The following EYA2 variants were observed in gnomAD, a reference collection of about 807,000 sequenced individuals.
EYA2 encodes protein phosphatase EYA2.
A neutral mutation model predicts 69.2 loss-of-function variants in EYA2; 31 were observed. The ratio of observed to expected loss-of-function variants is 0.45; its 90% CI spans 0.34 to 0.60. EYA2 has a LOEUF of 0.60. Ranked by LOEUF, EYA2 falls within the 20% of genes least tolerant of loss-of-function variation. EYA2 has a pLI of 0.02. For missense variants in EYA2, 622 were observed against 701.2 expected, an observed-to-expected ratio of 0.89 and a Z score of 1.28; for synonymous variants, 257 against 279.4, an observed-to-expected ratio of 0.92 and a Z score of 0.80.
chr20:46,989,933 G>T, intron 1 of EYA2, 68 bp from the exon 2 acceptor site: 2 of 801,632 alleles, frequency 2.5e-6, no homozygotes, highest in East Asian at 5.0e-5. Context: ...CTTAGGGAAA[G>T]AAATAGGAAT....
In EYA2 at chr20:47,143,168, A is replaced by G. The variant is rs1370535250; in HGVS notation, c.978+20A>G. On this transcript the variant is annotated intron_variant, in intron 10 of 15. Transcript: ENST00000327619. The stretch of plus-strand genomic sequence containing the variant: ...CTGGAGGTTTGTGGTTGCTGATTTC[A>G]TTTAATATTTGCCATGTTTAATCAC... 4 of 1,597,044 alleles carry G rather than the reference A, an allele frequency of 2.5e-6. No individual in the cohort carries two copies. In the Admixed American group the frequency reaches 6.8e-5, roughly 27 times the overall value.
chr20:47,117,041 G>C lies in EYA2; in HGVS notation c.888+19873G>C, dbSNP rs1338721923. 4.6e-5 allele frequency among the ~76,000 whole-genome samples: 6 copies of C among 130,960 alleles called. No homozygotes were observed. The East Asian group carries it at 1.3e-3, about 29-fold the overall frequency. The allele number at this position is 130,960 out of a possible 152,430, so 85.9% of individuals were successfully genotyped here. ...AGGCAGAGTCTTGCTCTGTCACCCA[G>C]ACTTCAGTGCGGTAGTGCAGTGGTG... On this transcript the variant is annotated intron_variant, in intron 9 of 15. Transcript: ENST00000327619.
At chr20:47,103,966 A>C (rs1488197768) in intron 9 of EYA2, among the ~76,000 whole-genome samples, 1 of 152,236 alleles carries the variant, frequency 6.6e-6, no homozygotes, top group East Asian at 1.9e-4. Flanking sequence ...TAGGAGTAGA[A>C]TTGCTGGGCC....
At chr20:47,173,011 C>T (rs1419572104) in intron 12 of EYA2, 144 bp downstream of exon 12, 6 of 858,400 alleles carry the variant, frequency 7.0e-6, no homozygotes, top group East Asian at 2.8e-5. Context: ...CGACACCCTT[C>T]GGAATAGAGC....
At chr20:47,109,154 C>G (rs1169920501) in intron 9 of EYA2, among the ~76,000 whole-genome samples, 1 of 152,130 alleles carries the variant, frequency 6.6e-6, no homozygotes, top group African/African-American at 2.4e-5. Context: ...AGGGTCTCCC[C>G]CTGAAGAGAC....
At chr20:46,976,278 A>T (rs1980452347) in intron 1 of EYA2, among the ~76,000 whole-genome samples, 1 of 152,214 alleles carries the variant, frequency 6.6e-6, no homozygotes, top group African/African-American at 2.4e-5. Context: ...CCGAGGTGGG[A>T]GGATTGCTTG....
At chr20:47,099,453 C>G (rs2032360598) in intron 9 of EYA2, among the ~76,000 whole-genome samples, 1 of 152,188 alleles carries the variant, frequency 6.6e-6, no homozygotes, top group African/African-American at 2.4e-5. Flanking sequence ...ATCGCTTGAG[C>G]CTGTGGTGAG....
chr20:47,026,678 G>A (rs1332037248), intron 5 of EYA2, among the ~76,000 whole-genome samples: 7 of 152,284 alleles, frequency 4.6e-5, no homozygotes, highest in African/African-American at 1.4e-4. Context: ...GTACAGGGCC[G>A]AGCAGTAATG....
chr20:47,148,071 A>AAAAAAAC (rs2033745302), intron 10 of EYA2, among the ~76,000 whole-genome samples: 1 of 151,692 alleles, frequency 6.6e-6, no homozygotes, highest in Admixed American at 6.6e-5. Context: ...AAAAAAAAAA[A>AAAAAAAC]AAGAATAAAA....
chr20:46,940,120 T>C (rs1171383665), intron 1 of EYA2, among the ~76,000 whole-genome samples: 1 of 152,158 alleles, frequency 6.6e-6, no homozygotes, highest in African/African-American at 2.4e-5. Flanking sequence ...GAAGAAAGGC[T>C]CAATCTGGCC....
intron 5 of EYA2, among the ~76,000 whole-genome samples, chr20:47,048,187 T>G (rs1313943287): frequency 6.6e-6 from 1 of 152,234 alleles, no homozygotes; most frequent in African/African-American, 2.4e-5. Context: ...GAAACATTTT[T>G]AACTGTAAGA....
intron 9 of EYA2, among the ~76,000 whole-genome samples, chr20:47,131,481 C>T (rs976394712): frequency 6.6e-6 from 1 of 152,068 alleles, no homozygotes; most frequent in Non-Finnish European, 1.5e-5. Context: ...CAAATGGCAC[C>T]CCAAAGACGT....
At chr20:47,055,015 C>T (rs984053303) in intron 5 of EYA2, among the ~76,000 whole-genome samples, 7 of 152,130 alleles carry the variant, frequency 4.6e-5, no homozygotes, top group African/African-American at 1.4e-4. Flanking sequence ...ACTGTGCCCT[C>T]GTGGTGGCGA....
At chr20:47,143,315 G>A (rs1295207662) in intron 10 of EYA2, among the ~76,000 whole-genome samples, 167 bp downstream of exon 10, 1 of 152,076 alleles carries the variant, frequency 6.6e-6, no homozygotes, top group African/African-American at 2.4e-5. Context: ...GCCCAAAACT[G>A]TGGCCGGTGA....
intron 1 of EYA2, among the ~76,000 whole-genome samples, chr20:46,927,974 A>G (rs1985490369): frequency 1.3e-5 from 2 of 152,182 alleles, no homozygotes; most frequent in Admixed American, 1.3e-4. Flanking sequence ...ACAAACAATA[A>G]TAACAGATAA....
At chr20:46,975,484 A>G (rs927878173) in intron 1 of EYA2, among the ~76,000 whole-genome samples, 3 of 152,226 alleles carry the variant, frequency 2.0e-5, no homozygotes, top group Admixed American at 2.0e-4. Flanking sequence ...AGCCTGGGCA[A>G]CACAGTGAAA....
chr20:47,038,768 C>G lies in EYA2; in HGVS notation c.415+22471C>G, dbSNP rs573881868. The stretch of plus-strand genomic sequence containing the variant: ...TCCATTGAACAACTAGTCCCCGTTC[C>G]CCGCACGTAGCCCCTGGCAGCCACC... On this transcript the variant is annotated intron_variant, in intron 5 of 15. Coordinates refer to ENST00000327619, the MANE Select transcript of EYA2 (RefSeq NM_005244.5). Among the ~76,000 whole-genome samples the G allele has an allele frequency of 6.6e-5, 10 of 152,238 alleles. No homozygotes were observed. The East Asian group carries it at 1.7e-3, about 26-fold the overall frequency.
rs1280831430 is a variant in EYA2 at position 47,082,446 on chromosome 20, C to T, written c.662-6793C>T. On this transcript the variant is annotated intron_variant, in intron 7 of 15. Transcript: ENST00000327619. ...TGAATATCTAAAAATCAACAAACAA[C>T]AGGAAATAGAATATTTTAAATGCCA... 2.8e-5 allele frequency among the ~76,000 whole-genome samples: 4 copies of T among 145,282 alleles called. No homozygotes were observed. The South Asian group carries it at 8.8e-4, about 32-fold the overall frequency.
chr20:47,017,153 G>T (rs1983461226), intron 5 of EYA2, among the ~76,000 whole-genome samples: 1 of 152,172 alleles, frequency 6.6e-6, no homozygotes, highest in Admixed American at 6.5e-5. Context: ...TCTCTGTTCT[G>T]GTGCCCCCTT....
Sources: gnomAD v4.1 joint callset for allele counts (sites outside exome capture counted in the v4.1 genomes callset) on GRCh38, gnomAD v4.1.1 for gene constraint, MANE v1.5 for transcripts, NCBI Gene and HGNC (gene_info 2026-07-23, HGNC 2026-07-21) for gene names.